The following TSPAN11 variants were observed in gnomAD, a reference collection of about 807,000 sequenced individuals.
The protein encoded by TSPAN11 is tetraspanin-11.
A neutral mutation model predicts 32.9 loss-of-function variants in TSPAN11; 29 were observed. That is an observed-to-expected ratio of 0.88 (90% CI 0.66 to 1.20). The LOEUF is 1.20. TSPAN11 is among the 50% of genes most tolerant of loss of function. TSPAN11 has a pLI of 0.00. For synonymous variants in TSPAN11, 140 were observed against 141.3 expected (o/e 0.99, Z 0.07); for missense variants, 283 against 329.1 (o/e 0.86, Z 1.08).
intron 1 of TSPAN11, among the ~76,000 whole-genome samples, chr12:30,930,598 C>T (rs1421699909): frequency 1.3e-5 from 2 of 152,216 alleles, no homozygotes; most frequent in Non-Finnish European, 2.9e-5. Context: ...GACCTCAACT[C>T]GTAGCAGGGT....
chr12:31,010,163 C>T, the TSPAN11 span, among the ~76,000 whole-genome samples: 7 of 152,136 alleles, frequency 4.6e-5, no homozygotes, highest in Non-Finnish European at 8.8e-5. Flanking sequence ...TTATTTGCCC[C>T]TCACACCCTT....
At chr12:30,949,415 CAG>C (rs1265408428) in intron 1 of TSPAN11, among the ~76,000 whole-genome samples, 1 of 152,072 alleles carries the variant, frequency 6.6e-6, no homozygotes, top group Non-Finnish European at 1.5e-5. Flanking sequence ...GGGGAGGCCT[CAG>C]AATCATGGTG....
At chr12:30,944,904 G>A (rs977838215) in intron 1 of TSPAN11, among the ~76,000 whole-genome samples, 20 of 152,278 alleles carry the variant, frequency 1.3e-4, no homozygotes, top group African/African-American at 3.6e-4. Flanking sequence ...TTGCTAATGG[G>A]AGCTTTTGCT....
chr12:30,985,440 T>C (rs1939182275), intron 7 of TSPAN11, among the ~76,000 whole-genome samples: 1 of 152,072 alleles, frequency 6.6e-6, no homozygotes, highest in Non-Finnish European at 1.5e-5. Context: ...CTCCCCATCA[T>C]TCTCACTCAG....
At chr12:30,936,456 A>G (rs1213816622) in intron 1 of TSPAN11, among the ~76,000 whole-genome samples, 1 of 152,190 alleles carries the variant, frequency 6.6e-6, no homozygotes, top group East Asian at 1.9e-4. Flanking sequence ...GTTAATTTTA[A>G]GGGAGAAAAC....
intron 7 of TSPAN11, among the ~76,000 whole-genome samples, chr12:30,983,750 T>TA (rs1939145519): frequency 6.6e-6 from 1 of 152,206 alleles, no homozygotes; most frequent in Non-Finnish European, 1.5e-5. Context: ...GGTAATGCGA[T>TA]ATATCGACTG....
At chr12:30,927,311 G>A (rs1201204613) in intron 1 of TSPAN11, among the ~76,000 whole-genome samples, 1 of 152,266 alleles carries the variant, frequency 6.6e-6, no homozygotes, top group African/African-American at 2.4e-5. Context: ...CAACATGGCT[G>A]TGTAGGCCCT....
At chr12:30,965,626 G>A (rs1213962007) in intron 3 of TSPAN11, among the ~76,000 whole-genome samples, 1 of 152,150 alleles carries the variant, frequency 6.6e-6, no homozygotes, top group South Asian at 2.1e-4. Context: ...CCTCACTACA[G>A]CAACCTGCAA....
At chr12:30,988,280 C>G (rs1049657834) in intron 7 of TSPAN11, among the ~76,000 whole-genome samples, 2 of 152,186 alleles carry the variant, frequency 1.3e-5, no homozygotes, top group Non-Finnish European at 1.5e-5. Context: ...TGGCTGCATG[C>G]TAGAGTAGAG....
At chr12:31,007,571 G>A in the TSPAN11 span, among the ~76,000 whole-genome samples, 1 of 152,096 alleles carries the variant, frequency 6.6e-6, no homozygotes, top group Non-Finnish European at 1.5e-5. Context: ...GGTGTCACTG[G>A]TGGCCCCCAC....
chr12:30,956,263 G>A (rs76730141), intron 2 of TSPAN11, among the ~76,000 whole-genome samples: 2,738 of 152,308 alleles, frequency 0.018, 78 homozygotes, highest in African/African-American at 0.063. Context: ...CTTGTCCCAT[G>A]TAAGATATAC....
At chr12:30,961,347 T>C (rs10743744) in intron 2 of TSPAN11, among the ~76,000 whole-genome samples, 81,329 of 151,528 alleles carry the variant, frequency 0.54, 22,598 homozygotes, top group Non-Finnish European at 0.6. Context: ...ACCTCAGATA[T>C]GGTCCCATCC....
the TSPAN11 span, among the ~76,000 whole-genome samples, chr12:31,008,499 A>G: frequency 6.6e-6 from 1 of 152,162 alleles, no homozygotes; most frequent in African/African-American, 2.4e-5. Context: ...ATGAGTCAGG[A>G]GCTGGTAGTG....
intron 1 of TSPAN11, among the ~76,000 whole-genome samples, chr12:30,946,041 AGTTT>A (rs1017956003): frequency 6.6e-6 from 1 of 152,178 alleles, no homozygotes; most frequent in African/African-American, 2.4e-5. Context: ...CCGCTCAGTT[AGTTT>A]GTTTCAGATG....
At chr12:30,976,982 CAA>C (rs1938986520) in intron 3 of TSPAN11, among the ~76,000 whole-genome samples, 1 of 152,194 alleles carries the variant, frequency 6.6e-6, no homozygotes, top group African/African-American at 2.4e-5. Flanking sequence ...TCAGGCCCCA[CAA>C]ATGATGGGGC....
chr12:30,963,791 G>A (rs1019209917), intron 2 of TSPAN11, 35 bp from the exon 3 acceptor site: 24 of 1,590,304 alleles, frequency 1.5e-5, no homozygotes, highest in Middle Eastern at 1.7e-4. Flanking sequence ...CGAGGCCCCC[G>A]CCACCCCCTG....
rs58500177 is a variant in TSPAN11 at position 30,931,879 on chromosome 12, C to CAAAAAAAAAAAAAAAAAAAAA, written c.-12+5103_-12+5104insAAAAAAAAAAAAAAAAAAAAA. ...TGGGCGACAGAGTGAGACGCTGTAT[C>CAAAAAAAAAAAAAAAAAAAAA]AAAAAAAAAAAAAAAAAAAAGAGTC... On this transcript the variant is annotated intron_variant, in intron 1 of 7. Transcript: ENST00000546076. 3.3e-5 allele frequency among the ~76,000 whole-genome samples: 2 copies of CAAAAAAAAAAAAAAAAAAAAA among 60,884 alleles called. 1 individual carries two copies. The highest frequency in any genetic ancestry group is 1.3e-4 in the African/African-American group (2 of 15,986). 39.9% of individuals were successfully genotyped at this position (60,884 alleles called of 152,430 possible).
At chr12:30,932,413 T>C (rs559723069) in intron 1 of TSPAN11, among the ~76,000 whole-genome samples, 3 of 152,324 alleles carry the variant, frequency 2.0e-5, no homozygotes, top group Admixed American at 6.5e-5. Flanking sequence ...GCACGTGTAT[T>C]TTGTTCTTAC....
At chr12:30,980,720 C>A (rs4931400) in intron 5 of TSPAN11, among the ~76,000 whole-genome samples, 100,716 of 151,184 alleles carry the variant, frequency 0.67, 33,790 homozygotes, top group South Asian at 0.75. Flanking sequence ...TTCAGGGAGT[C>A]GTCTCTTCTC....
Sources: allele counts gnomAD v4.1 joint callset (sites outside exome capture counted in the v4.1 genomes callset), GRCh38; gene constraint gnomAD v4.1.1; transcripts MANE v1.5; gene names NCBI Gene and HGNC (gene_info 2026-07-23, HGNC 2026-07-21).